ST7L: variants seen among roughly 807,000 people sequenced by gnomAD.
The protein encoded by ST7L is suppression of tumorigenicity 7 like.
ST7L carries 57 observed loss-of-function variants against 72.5 expected under a neutral mutation model. The ratio of observed to expected loss-of-function variants is 0.79; its 90% CI spans 0.64 to 0.98. The LOEUF is 0.98. ST7L is among the 50% of genes least tolerant of loss of function. The probability of loss-of-function intolerance (pLI) is 0.00; values close to 1 mark genes in which losing one functional copy is unlikely to be tolerated. For missense variants in ST7L, 576 were observed against 672.2 expected, an observed-to-expected ratio of 0.86 and a Z score of 1.58; for synonymous variants, 221 against 240.9, an observed-to-expected ratio of 0.92 and a Z score of 0.77.
At chr1:112,582,336 G>A (rs1664250559) in intron 8 of ST7L, 39 bp downstream of exon 8, 2 of 1,433,556 alleles carry the variant, frequency 1.4e-6, no homozygotes, top group Non-Finnish European at 9.7e-7. Flanking sequence ...TTAGTTTCTG[G>A]AGGAATAAAT....
chr1:112,538,918 T>G (rs796513302), intron 14 of ST7L, among the ~76,000 whole-genome samples: 1 of 152,332 alleles, frequency 6.6e-6, no homozygotes, highest in African/African-American at 2.4e-5. Flanking sequence ...GGTAGTATTA[T>G]TCTCATTTTA....
chr1:112,540,648 A>T (rs1655951242), intron 14 of ST7L: 1 of 1,182,936 alleles, frequency 8.5e-7, no homozygotes, highest in African/African-American at 1.6e-5. Flanking sequence ...CACTGCTCTT[A>T]CCACTGGTGC....
intron 6 of ST7L, among the ~76,000 whole-genome samples, chr1:112,590,504 G>C (rs549363463): frequency 1.3e-5 from 2 of 152,254 alleles, no homozygotes; most frequent in African/African-American, 4.8e-5. Context: ...TCCACCGTGG[G>C]AAGGTCTTCT....
At chr1:112,582,307 T>C (rs1664246538) in intron 8 of ST7L, 68 bp downstream of exon 8, 3 of 1,175,328 alleles carry the variant, frequency 2.6e-6, no homozygotes, top group Middle Eastern at 2.4e-4. Flanking sequence ...TTAAAATAAC[T>C]GGCAACTTAA....
chr1:112,533,831 T>TATTTTTACTTTTC (rs1654772308), intron 14 of ST7L, among the ~76,000 whole-genome samples: 1 of 152,060 alleles, frequency 6.6e-6, no homozygotes, highest in African/African-American at 2.4e-5. Flanking sequence ...AATTTGTTTT[T>TATTTTTACTTTTC]ATTTTTACTT....
chr1:112,595,696 G>A (rs6698030), intron 5 of ST7L, among the ~76,000 whole-genome samples: 29,671 of 152,088 alleles, frequency 0.2, 3,263 homozygotes, highest in Middle Eastern at 0.26. Flanking sequence ...TGGGATTACA[G>A]GCATAAGCCA....
intron 14 of ST7L, among the ~76,000 whole-genome samples, chr1:112,541,178 G>C (rs926058966): frequency 3.3e-5 from 5 of 151,980 alleles, no homozygotes; most frequent in Non-Finnish European, 5.9e-5. Flanking sequence ...CCAGCTACTC[G>C]GGGGGCTGAG....
Position 112,582,424 on chromosome 1 carries a change from C to G in ST7L, c.905G>C (p.Cys302Ser), listed in dbSNP as rs759446026. ...LVYIKRRLAM[C>S]ARKLGRIREA... Reference sequence around the variant, plus strand: ...TCTTATTCTTCCTAATTTTCTTGCACACATTGCCAATCTTCTTTTAATATA... The same window carrying G: ...TCTTATTCTTCCTAATTTTCTTGCAGACATTGCCAATCTTCTTTTAATATA... The change falls in exon 8 of 15, where the codon TGT becomes TCT. Residue 302 changes from cysteine (C) to serine (S), a missense_variant. Physicochemically the swap from Cys to Ser is moderately radical, Grantham distance 112. Around this residue, in one of 3 missense-constraint regions of ST7L, gnomAD observed 511 missense variants for 600.7 expected, o/e 0.85. Transcript: ENST00000358039. The G allele has an allele frequency of 6.2e-7, 1 of 1,609,170 alleles. No homozygotes were observed. The highest frequency in any genetic ancestry group is 1.3e-5 in the African/African-American group (1 of 74,972).
chr1:112,605,982 G>C (rs1668179077), intron 3 of ST7L, among the ~76,000 whole-genome samples: 2 of 152,294 alleles, frequency 1.3e-5, no homozygotes, highest in Admixed American at 1.3e-4. Context: ...TCTATGGTCT[G>C]GTCCTGTAGA....
At chr1:112,612,143 C>T (rs1416470170) in intron 2 of ST7L, among the ~76,000 whole-genome samples, 2 of 152,084 alleles carry the variant, frequency 1.3e-5, no homozygotes, top group East Asian at 3.9e-4. Context: ...TGTCACCAGG[C>T]TGGAGTACAG....
chr1:112,604,124 A>T (rs1005681810), intron 3 of ST7L, among the ~76,000 whole-genome samples: 1 of 152,252 alleles, frequency 6.6e-6, no homozygotes. Context: ...CCTAGTCAAC[A>T]CAGTGAAATC....
rs552672280 is a variant in ST7L, at chr1:112,619,036, C to A, written c.78G>T (p.Thr26=). Reference sequence around the variant, plus strand: ...CCCGCAGTCGCTCCCTCCAGCCTAGCGTCGGGTTTAGGCCAGGGACAGATG... The same window carrying A: ...CCCGCAGTCGCTCCCTCCAGCCTAGAGTCGGGTTTAGGCCAGGGACAGATG... The part of the protein sequence containing the change: ...SPASVPGLNP[T]LGWRERLRAG... Residue 26 remains threonine (T), a synonymous_variant, in exon 1 of 15, where the codon ACG becomes ACT. Coordinates refer to ENST00000358039, the MANE Select transcript of ST7L (RefSeq NM_017744.5). 5.0e-6 allele frequency: 8 copies of A among 1,613,970 alleles called. No individual in the cohort carries two copies. The African/African-American group carries it at 1.1e-4, about 22-fold the overall frequency.
At chr1:112,609,368 T>C (rs907143214) in intron 3 of ST7L, among the ~76,000 whole-genome samples, 16 of 151,672 alleles carry the variant, frequency 1.1e-4, no homozygotes, top group South Asian at 2.1e-4. Flanking sequence ...CCATCTCTAC[T>C]AAAAATACAA....
intron 7 of ST7L, among the ~76,000 whole-genome samples, chr1:112,582,779 T>C (rs191835034): frequency 1.3e-3 from 203 of 152,284 alleles, no homozygotes; most frequent in Non-Finnish European, 2.4e-3. Flanking sequence ...CAAGTTTATT[T>C]TACCATTAGC....
chr1:112,617,753 AC>A lies in ST7L; in HGVS notation c.206-859del, dbSNP rs1292828804. ...CACACACACACACACACACACACACACACGAAACGTAAAAAAGAAAAATCTA... is the reference window on the plus strand; with the variant it reads ...CACACACACACACACACACACACACAACGAAACGTAAAAAAGAAAAATCTA... On this transcript the variant is annotated intron_variant, in intron 1 of 14. Coordinates refer to ENST00000358039, the MANE Select transcript of ST7L (RefSeq NM_017744.5). 5.9e-3 allele frequency among the ~76,000 whole-genome samples: 894 copies of A among 150,776 alleles called. 14 individuals are homozygous for A. Among genetic ancestry groups the A allele is most frequent in the African/African-American group, 0.021 (841 of 40,696 alleles).
intron 12 of ST7L, among the ~76,000 whole-genome samples, chr1:112,555,067 G>A (rs1253442563): frequency 1.3e-5 from 2 of 152,006 alleles, no homozygotes; most frequent in African/African-American, 2.4e-5. Flanking sequence ...GGTGATGTTC[G>A]TACAACACTA....
chr1:112,606,286 C>A (rs1260788031), intron 3 of ST7L, among the ~76,000 whole-genome samples: 1 of 152,200 alleles, frequency 6.6e-6, no homozygotes, highest in Non-Finnish European at 1.5e-5. Flanking sequence ...TCATCTCTTT[C>A]CTTTCACATT....
At chr1:112,554,850 A>G (rs2101592357) in intron 12 of ST7L, among the ~76,000 whole-genome samples, 1 of 152,326 alleles carries the variant, frequency 6.6e-6, no homozygotes, top group South Asian at 2.1e-4. Flanking sequence ...AATTTTGAAG[A>G]TATTATACTA....
At chr1:112,609,096 G>A (rs559374800) in intron 3 of ST7L, among the ~76,000 whole-genome samples, 1 of 152,156 alleles carries the variant, frequency 6.6e-6, no homozygotes, top group Non-Finnish European at 1.5e-5. Flanking sequence ...GGAGACTGAG[G>A]TGGGAGGATC....
Sources: allele counts gnomAD v4.1 joint callset (sites outside exome capture counted in the v4.1 genomes callset), GRCh38; gene constraint gnomAD v4.1.1; regional missense constraint gnomAD v4.1.1; transcripts MANE v1.5; gene names NCBI Gene and HGNC (gene_info 2026-07-23, HGNC 2026-07-21).